The following SEC61A1 variants were observed in gnomAD, a reference collection of about 807,000 sequenced individuals.
SEC61A1 encodes the protein SEC61 translocon subunit alpha 1.
Under a neutral mutation model 55.2 loss-of-function variants are expected in SEC61A1, and 15 were observed. That is an observed-to-expected ratio of 0.27 (90% CI 0.18 to 0.42). The LOEUF (loss-of-function observed/expected upper bound fraction) is 0.42, where lower values mean the gene tolerates loss of function less well. Among genes scored for constraint, SEC61A1 ranks in the 10% least tolerant of loss-of-function variants. The pLI is 1.00. For synonymous variants in SEC61A1, 247 were observed against 234.0 expected, an observed-to-expected ratio of 1.06 and a Z score of -0.51; for missense variants, 284 against 602.6, an observed-to-expected ratio of 0.47 and a Z score of 5.53.
intron 1 of SEC61A1, 56 bp from the exon 2 acceptor site, chr3:128,052,779 G>T: frequency 6.4e-7 from 1 of 1,557,098 alleles, no homozygotes; most frequent in Non-Finnish European, 8.9e-7. Flanking sequence ...CCTGGGTAGC[G>T]CGGAAGGTTA....
chr3:128,065,510 T>C (rs1267340414), intron 8 of SEC61A1, among the ~76,000 whole-genome samples: 1 of 152,192 alleles, frequency 6.6e-6, no homozygotes, highest in African/African-American at 2.4e-5. Context: ...ATTGTTTTCC[T>C]GTAATTGGAT....
chr3:128,052,495 G>T lies in SEC61A1; in HGVS notation c.-58G>T. On this transcript the variant is annotated 5_prime_UTR_variant, in exon 1 of 12. Coordinates refer to ENST00000243253, the MANE Select transcript of SEC61A1 (RefSeq NM_013336.4). ...AACGCGCTGGGCCGCGGGCAGCGTC[G>T]CCTCACGCGGAGCAGAGCTGAGCTG... 1.3e-6 allele frequency: 2 copies of T among 1,570,204 alleles called. No homozygotes were observed. Among genetic ancestry groups the T allele is most frequent in the Non-Finnish European group, 1.7e-6 (2 of 1,159,384 alleles).
At position 128,067,979 on chromosome 3, in the gene SEC61A1, G is replaced by C; in HGVS notation, c.1168-4G>C. ...CCAACTTCTCCCCTGTGGGCACCCT[G>C]CAGGTTGCAAAGCAGCTGAAGGAGC... On this transcript the variant is annotated splice_polypyrimidine_tract_variant and splice_region_variant and intron_variant, in intron 10 of 11. Coordinates refer to ENST00000243253, the MANE Select transcript of SEC61A1 (RefSeq NM_013336.4). The surrounding 1 kb of genome is among the most constrained non-coding windows in gnomAD (Gnocchi z 4.1). The C allele has an allele frequency of 6.2e-7, 1 of 1,613,450 alleles. No individual in the cohort carries two copies. The highest frequency in any genetic ancestry group is 8.5e-7 in the Non-Finnish European group (1 of 1,179,518).
At chr3:128,069,418 G>T in intron 11 of SEC61A1, 58 bp from the exon 12 acceptor site, 4 of 1,531,220 alleles carry the variant, frequency 2.6e-6, no homozygotes, top group Non-Finnish European at 3.5e-6. Flanking sequence ...CCTGTTGGCC[G>T]CCTGGCTCAC....
chr3:128,061,817 A>C (rs1048143973), intron 7 of SEC61A1, among the ~76,000 whole-genome samples: 9 of 152,192 alleles, frequency 5.9e-5, no homozygotes, highest in African/African-American at 2.2e-4. Context: ...CATCATGGTG[A>C]CTGGCTTTTG....
At chr3:128,065,207 T>C (rs753883434) in intron 8 of SEC61A1, 170 bp downstream of exon 8, 1 of 779,440 alleles carries the variant, frequency 1.3e-6, no homozygotes, top group Non-Finnish European at 2.2e-6. Flanking sequence ...AGCATGTTCA[T>C]TGAGTCATGG....
In SEC61A1 at chr3:128,067,966, C is replaced by T. The variant is rs2107652397; in HGVS notation, c.1168-17C>T. On this transcript the variant is annotated splice_polypyrimidine_tract_variant and intron_variant, in intron 10 of 11. Coordinates refer to ENST00000243253, the MANE Select transcript of SEC61A1 (RefSeq NM_013336.4). This position sits in a 1 kb window ranked among gnomAD's most constrained non-coding sequence, Gnocchi z 4.1. The stretch of plus-strand genomic sequence containing the variant: ...TCAGCCTCCAATTCCAACTTCTCCC[C>T]TGTGGGCACCCTGCAGGTTGCAAAG... 2 of 1,612,372 alleles carry T rather than the reference C, an allele frequency of 1.2e-6. No individual in the cohort carries two copies. The highest frequency in any genetic ancestry group is 8.5e-7 in the Non-Finnish European group (1 of 1,178,590).
chr3:128,055,398 C>A, intron 2 of SEC61A1, 118 bp from the exon 3 acceptor site: 1 of 818,224 alleles, frequency 1.2e-6, no homozygotes. Flanking sequence ...CTCTGCTGAA[C>A]AGAGAAAAGA....
At position 128,071,652 on chromosome 3, in the gene SEC61A1, A is replaced by C. The variant is rs1205288894; in HGVS notation, c.*1990A>C. On this transcript the variant is annotated 3_prime_UTR_variant, in exon 12 of 12. Transcript: ENST00000243253. ...TGGCATAACTGAGATAAGGTGAATA[A>C]GTGACAAATAAAGCCAGTTTTTTAC... 1 of 152,704 alleles carries C rather than the reference A, an allele frequency of 6.5e-6. No individual in the cohort carries two copies. The highest frequency in any genetic ancestry group is 2.4e-5 in the African/African-American group (1 of 41,472). The allele number at this position is 152,704 out of a possible 1,614,324, so 9.5% of individuals were successfully genotyped here.
rs913603147 is a variant in SEC61A1, at chr3:128,070,777, T to G, written c.*1115T>G. On this transcript the variant is annotated 3_prime_UTR_variant, in exon 12 of 12. Transcript: ENST00000243253. Reference sequence around the variant, plus strand: ...TGATCAGTTGCTCCAGTGTTTGAAATAAGAAGACTCATGTTTATGTCTGGA... The same window carrying G: ...TGATCAGTTGCTCCAGTGTTTGAAAGAAGAAGACTCATGTTTATGTCTGGA... 1 of 152,412 alleles carries G rather than the reference T, an allele frequency of 6.6e-6. No individual in the cohort carries two copies. Among genetic ancestry groups the G allele is most frequent in the Non-Finnish European group, 1.5e-5 (1 of 68,252 alleles). 9.4% of individuals were successfully genotyped at this position (152,412 alleles called of 1,614,324 possible). A position where few individuals can be genotyped will look rare whatever the true frequency, so the allele number is the denominator to read the frequency against.
chr3:128,061,619 T>C (rs1442816469), intron 7 of SEC61A1, among the ~76,000 whole-genome samples: 1 of 151,558 alleles, frequency 6.6e-6, no homozygotes, highest in African/African-American at 2.4e-5. Context: ...CAAAGGAGAG[T>C]GGAGCTTGAG....
At position 128,066,842 on chromosome 3, in the gene SEC61A1, C is replaced by T. The variant is rs1181246962; in HGVS notation, c.778-112C>T. 10 of 997,306 alleles carry T rather than the reference C, an allele frequency of 1.0e-5. No homozygotes were observed. The East Asian group carries it at 1.5e-4, about 15-fold the overall frequency. The allele number at this position is 997,306 out of a possible 1,614,324, so 61.8% of individuals were successfully genotyped here. On this transcript the variant is annotated intron_variant, in intron 8 of 11. Transcript: ENST00000243253. ...GGAACTGGGAGCCCCAGAACCAGCA[C>T]ACAGGATTTCCTCCCTTGTGGCCCA... is the stretch of plus-strand genomic sequence containing the variant.
chr3:128,060,804 G>A (rs946865685), intron 7 of SEC61A1, 143 bp downstream of exon 7: 6 of 825,124 alleles, frequency 7.3e-6, no homozygotes, highest in Non-Finnish European at 9.2e-6. Flanking sequence ...GGGTCCATCT[G>A]CAAAGTTTTA....
rs1444664945 is a variant in SEC61A1 at position 128,070,330 on chromosome 3, G to C, written c.*668G>C. The C allele has an allele frequency of 6.6e-6, 1 of 152,174 alleles. No homozygotes were observed. Among genetic ancestry groups the C allele is most frequent in the African/African-American group, 2.4e-5 (1 of 41,414 alleles). The allele number at this position is 152,174 out of a possible 1,614,324, so 9.4% of individuals were successfully genotyped here. On this transcript the variant is annotated 3_prime_UTR_variant, in exon 12 of 12. Transcript: ENST00000243253. The stretch of plus-strand genomic sequence containing the variant: ...TTGGCTCTTCTAGCTGACTCTTCTG[G>C]TTGGGCTTAGAGTCTGCCTGTTTCT...
Position 128,060,591 on chromosome 3 carries a change from C to T in SEC61A1, c.546C>T (p.Phe182=). The T allele has an allele frequency of 6.2e-7, 1 of 1,614,180 alleles. No homozygotes were observed. Among genetic ancestry groups the T allele is most frequent in the Non-Finnish European group, 8.5e-7 (1 of 1,180,010 alleles). ...GYGLGSGISL[F]IATNICETIV... ...GCCTTGGCTCTGGTATTTCTCTCTT[C>T]ATTGCAACTAACATCTGTGAAACCA... Residue 182 remains phenylalanine, a synonymous_variant, in exon 7 of 12, where the codon TTC becomes TTT. Transcript: ENST00000243253.
At chr3:128,052,076 G>A (rs1217960607), upstream of SEC61A1, among the ~76,000 whole-genome samples, 1 of 152,194 alleles carries the variant, frequency 6.6e-6, no homozygotes, top group Non-Finnish European at 1.5e-5. Context: ...GGAGCCACCA[G>A]GGTCTCCGCC....
At chr3:128,053,105 T>C (rs558971294) in intron 2 of SEC61A1, among the ~76,000 whole-genome samples, 1 of 152,360 alleles carries the variant, frequency 6.6e-6, no homozygotes, top group South Asian at 2.1e-4. Context: ...ATCACTGTGC[T>C]TTATTTGGAG....
intron 8 of SEC61A1, among the ~76,000 whole-genome samples, chr3:128,066,421 T>A (rs908722455): frequency 6.6e-6 from 1 of 152,034 alleles, no homozygotes; most frequent in Non-Finnish European, 1.5e-5. Context: ...CCGTGCTTGC[T>A]TCCATGTTTT....
chr3:128,067,124 GCTGGTCAGCCTGCTGGGCAC>G lies in SEC61A1; in HGVS notation c.955_974del (p.Ser319GlyfsTer56). The G allele has an allele frequency of 6.2e-7, 1 of 1,614,208 alleles. No homozygotes were observed. The highest frequency in any genetic ancestry group is 8.5e-7 in the Non-Finnish European group (1 of 1,180,052). On this transcript the variant is annotated frameshift_variant, in exon 9 of 12. Coordinates refer to ENST00000243253, the MANE Select transcript of SEC61A1 (RefSeq NM_013336.4). LOFTEE classifies it high-confidence loss of function. This position sits in a 1 kb window ranked among gnomAD's most constrained non-coding sequence, Gnocchi z 4.1. The stretch of plus-strand genomic sequence containing the variant: ...TCTCAGCTCGCTTCAGTGGCAACTT[GCTGGTCAGCCTGCTGGGCAC>G]CTGGTCGGTAAGTAGGCTCTTTGAA...
Sources: gnomAD v4.1 joint callset for allele counts (sites outside exome capture counted in the v4.1 genomes callset) on GRCh38, gnomAD v4.1.1 for gene constraint, Gnocchi (gnomAD v3.1) non-coding constraint, MANE v1.5 for transcripts, NCBI Gene and HGNC (gene_info 2026-07-23, HGNC 2026-07-21) for gene names.